BICC1: variants seen among roughly 807,000 people sequenced by gnomAD.
BICC1 encodes protein bicaudal C homolog 1.
Under a neutral mutation model 111.0 loss-of-function variants are expected in BICC1, and 43 were observed. The observed-to-expected ratio is 0.39, with a 90% CI of 0.30 to 0.50. The LOEUF (loss-of-function observed/expected upper bound fraction) is 0.50. BICC1 is among the 20% of genes least tolerant of loss of function. BICC1 has a pLI of 0.88. For missense variants in BICC1, 1,091 were observed against 1,203.2 expected (o/e 0.91, Z 1.38); for synonymous variants, 467 against 434.4 (o/e 1.07, Z -0.93).
At chr10:58,715,747 T>G in intron 3 of BICC1, 1 of 1,530,846 alleles carries the variant, frequency 6.5e-7, no homozygotes, top group Non-Finnish European at 9.0e-7. Context: ...GAAGAAAAAA[T>G]GAATGAGAAC....
intron 2 of BICC1, among the ~76,000 whole-genome samples, chr10:58,656,623 G>GA (rs1444198176): frequency 6.6e-6 from 1 of 152,030 alleles, no homozygotes; most frequent in Non-Finnish European, 1.5e-5. Context: ...AATAGATGCA[G>GA]AAAAAGCCTT....
At chr10:58,696,320 A>C (rs887050135) in intron 2 of BICC1, among the ~76,000 whole-genome samples, 2 of 152,104 alleles carry the variant, frequency 1.3e-5, no homozygotes, top group Non-Finnish European at 2.9e-5. Context: ...TGAAAAAAAA[A>C]CTTTTGCAGA....
intron 20 of BICC1, chr10:58,823,513 C>T (rs1297266976): frequency 2.0e-6 from 2 of 983,896 alleles, no homozygotes; most frequent in Non-Finnish European, 2.4e-6. Context: ...GGTTGGATTC[C>T]CTTGTGATCA....
chr10:58,751,559 T>C (rs995605890), intron 3 of BICC1, among the ~76,000 whole-genome samples: 5 of 152,180 alleles, frequency 3.3e-5, no homozygotes, highest in African/African-American at 9.6e-5. Flanking sequence ...GTGTTAGGGA[T>C]GTCTAACTTT....
intron 3 of BICC1, among the ~76,000 whole-genome samples, chr10:58,714,625 A>T (rs1051917098): frequency 6.6e-6 from 1 of 151,928 alleles, no homozygotes. Context: ...AAGGTTTCTG[A>T]CAGTTTTTGA....
At chr10:58,654,222 G>A (rs1327862014) in intron 2 of BICC1, among the ~76,000 whole-genome samples, 4 of 126,532 alleles carry the variant, frequency 3.2e-5, no homozygotes, top group African/African-American at 1.2e-4. Context: ...GGGTCAAATG[G>A]TATTTCTAGT....
chr10:58,531,811 C>T (rs1304586100), intron 1 of BICC1, among the ~76,000 whole-genome samples: 3 of 151,552 alleles, frequency 2.0e-5, no homozygotes, highest in African/African-American at 4.8e-5. Context: ...AGGGGATCAA[C>T]AGCAGACTTT....
chr10:58,820,576 C>G (rs1002230120), intron 20 of BICC1, 108 bp downstream of exon 20: 28 of 735,930 alleles, frequency 3.8e-5, no homozygotes, highest in Admixed American at 6.2e-5. Context: ...TAACCTAACA[C>G]CTTGGTTGTG....
chr10:58,801,977 C>CT (rs1334925662), intron 14 of BICC1, among the ~76,000 whole-genome samples: 5 of 152,170 alleles, frequency 3.3e-5, no homozygotes, highest in Non-Finnish European at 7.4e-5. Flanking sequence ...CCTGAACCTT[C>CT]TTATCATCAT....
chr10:58,663,886 G>A (rs946507666), intron 2 of BICC1, among the ~76,000 whole-genome samples: 12 of 152,068 alleles, frequency 7.9e-5, no homozygotes, highest in African/African-American at 2.7e-4. Context: ...GAGGTTGTTG[G>A]GTGTGTCAGT....
intron 3 of BICC1, among the ~76,000 whole-genome samples, chr10:58,750,764 A>G (rs1051128949): frequency 1.3e-5 from 2 of 152,166 alleles, no homozygotes; most frequent in African/African-American, 4.8e-5. Flanking sequence ...TCCAGCTATT[A>G]CCATTTTCAA....
At chr10:58,601,214 A>T (rs1324966282) in intron 1 of BICC1, among the ~76,000 whole-genome samples, 1 of 146,690 alleles carries the variant, frequency 6.8e-6, no homozygotes, top group East Asian at 2.0e-4. Context: ...TAATATAATC[A>T]TACTCTTCCC....
intron 1 of BICC1, among the ~76,000 whole-genome samples, chr10:58,547,434 T>C (rs1482271348): frequency 6.6e-6 from 1 of 152,122 alleles, no homozygotes; most frequent in Non-Finnish European, 1.5e-5. Flanking sequence ...TCTCCTCATA[T>C]TAAGGGTGTA....
chr10:58,782,083 C>T (rs1842897912), intron 3 of BICC1, among the ~76,000 whole-genome samples: 1 of 152,120 alleles, frequency 6.6e-6, no homozygotes, highest in African/African-American at 2.4e-5. Context: ...CTAGATGGTG[C>T]CCTTTCACTT....
intron 3 of BICC1, among the ~76,000 whole-genome samples, chr10:58,731,225 C>G (rs1841284260): frequency 6.6e-6 from 1 of 152,158 alleles, no homozygotes; most frequent in Non-Finnish European, 1.5e-5. Context: ...TAAAGCATAA[C>G]AAAAGTGACT....
chr10:58,522,506 A>G (rs1351928100), intron 1 of BICC1, among the ~76,000 whole-genome samples: 1 of 152,180 alleles, frequency 6.6e-6, no homozygotes, highest in Admixed American at 6.5e-5. Context: ...TTTGAAACCA[A>G]CGACAACAAA....
chr10:58,561,962 G>T (rs751075872), intron 1 of BICC1, among the ~76,000 whole-genome samples: 1 of 152,006 alleles, frequency 6.6e-6, no homozygotes, highest in Admixed American at 6.6e-5. Flanking sequence ...CTTTTTGCTG[G>T]TAGCATTTCT....
chr10:58,705,989 G>A (rs1020336324), intron 3 of BICC1, among the ~76,000 whole-genome samples: 2 of 152,238 alleles, frequency 1.3e-5, no homozygotes, highest in Non-Finnish European at 2.9e-5. Flanking sequence ...AGAGGGTCAC[G>A]ATTAAGAACA....
intron 2 of BICC1, among the ~76,000 whole-genome samples, chr10:58,651,959 T>C (rs1277054818): frequency 2.0e-5 from 3 of 152,140 alleles, no homozygotes; most frequent in Non-Finnish European, 2.9e-5. Flanking sequence ...ATAGACCTTG[T>C]TGGTATTAAA....
Sources: allele counts gnomAD v4.1 joint callset (sites outside exome capture counted in the v4.1 genomes callset), GRCh38; gene constraint gnomAD v4.1.1; transcripts MANE v1.5; gene names NCBI Gene and HGNC (gene_info 2026-07-23, HGNC 2026-07-21).